Variants in SLC26A5 observed in about 807,000 individuals in gnomAD.
The protein encoded by SLC26A5 is solute carrier family 26 member 5, also known as prestin.
In SLC26A5, 51 loss-of-function variants were observed where a neutral mutation model predicts 81.0. That is an observed-to-expected ratio of 0.63 (90% CI 0.50 to 0.80). SLC26A5 has a LOEUF of 0.80. Among genes scored for constraint, SLC26A5 ranks in the 30% least tolerant of loss-of-function variants. SLC26A5 has a pLI of 0.00. For synonymous variants in SLC26A5, 325 were observed against 332.8 expected, an observed-to-expected ratio of 0.98 and a Z score of 0.25; for missense variants, 771 against 905.8, an observed-to-expected ratio of 0.85 and a Z score of 1.91.
chr7:103,408,977 A>G (rs1824273377), intron 7 of SLC26A5, among the ~76,000 whole-genome samples: 5 of 152,174 alleles, frequency 3.3e-5, no homozygotes, highest in Admixed American at 3.3e-4. Context: ...GAAGTATGAT[A>G]ATAGCTATTA....
At chr7:103,375,070 A>T (rs1821256996) in intron 19 of SLC26A5, among the ~76,000 whole-genome samples, 1 of 147,542 alleles carries the variant, frequency 6.8e-6, no homozygotes, top group Non-Finnish European at 1.5e-5. Flanking sequence ...ACACACATAT[A>T]TAAATATATA....
chr7:103,416,061 C>T (rs184043299), intron 4 of SLC26A5, among the ~76,000 whole-genome samples: 2 of 152,286 alleles, frequency 1.3e-5, no homozygotes, highest in Admixed American at 1.3e-4. Context: ...TTTTTAATTT[C>T]TATGAGCTCT....
At chr7:103,438,682 C>A (rs1467404542) in intron 2 of SLC26A5, among the ~76,000 whole-genome samples, 1 of 152,130 alleles carries the variant, frequency 6.6e-6, no homozygotes, top group African/African-American at 2.4e-5. Flanking sequence ...ACATAGTGAA[C>A]TATACAGATC....
intron 9 of SLC26A5, 137 bp from the exon 10 acceptor site, chr7:103,393,203 G>C: frequency 8.8e-7 from 1 of 1,135,900 alleles, no homozygotes; most frequent in Non-Finnish European, 1.2e-6. Flanking sequence ...TATTTGCTCT[G>C]GTTGGCAAAA....
At chr7:103,418,367 TGAG>T (rs1825084432) in intron 4 of SLC26A5, among the ~76,000 whole-genome samples, 1 of 152,214 alleles carries the variant, frequency 6.6e-6, no homozygotes, top group Non-Finnish European at 1.5e-5. Context: ...GGCAGAATCC[TGAG>T]GAGTTCTTTG....
chr7:103,430,509 G>T (rs1301749207), intron 2 of SLC26A5, among the ~76,000 whole-genome samples: 1 of 152,170 alleles, frequency 6.6e-6, no homozygotes, highest in Admixed American at 6.5e-5. Flanking sequence ...TCAAGTCCTG[G>T]TTCTGCCACC....
chr7:103,420,665 A>G (rs1825276366), intron 4 of SLC26A5, 73 bp downstream of exon 4: 2 of 1,568,608 alleles, frequency 1.3e-6, no homozygotes, highest in Non-Finnish European at 8.7e-7. Context: ...ATTTGCAATC[A>G]TGATGAAATA....
At chr7:103,364,958 C>CATACATATATATATATATATAT (rs374432802) in intron 19 of SLC26A5, among the ~76,000 whole-genome samples, 6 of 125,500 alleles carry the variant, frequency 4.8e-5, no homozygotes, top group African/African-American at 1.8e-4. Context: ...TGTAGACATA[C>CATACATATATATATATATATAT]ATATATATAT....
chr7:103,404,008 C>A (rs939761196), intron 8 of SLC26A5, among the ~76,000 whole-genome samples: 14 of 152,196 alleles, frequency 9.2e-5, no homozygotes, highest in African/African-American at 3.4e-4. Flanking sequence ...CATGGTGAAA[C>A]CCAGTCTCTG....
intron 11 of SLC26A5, 77 bp downstream of exon 11, chr7:103,391,545 G>T: frequency 1.6e-6 from 2 of 1,244,634 alleles, no homozygotes; most frequent in Non-Finnish European, 2.3e-6. Flanking sequence ...CTTTGTTTGG[G>T]TTCAGAATAT....
chr7:103,383,309 C>T (rs114915867), intron 14 of SLC26A5, among the ~76,000 whole-genome samples: 2,299 of 152,248 alleles, frequency 0.015, 59 homozygotes, highest in African/African-American at 0.052. Context: ...GATGGACACA[C>T]GCAAGGTGCT....
chr7:103,391,923 C>T (rs1191013562), intron 10 of SLC26A5, among the ~76,000 whole-genome samples, 188 bp from the exon 11 acceptor site: 2 of 152,192 alleles, frequency 1.3e-5, no homozygotes, highest in African/African-American at 4.8e-5. Context: ...GAGGGGGGAA[C>T]ATTTTGAATT....
intron 19 of SLC26A5, among the ~76,000 whole-genome samples, chr7:103,365,039 G>A (rs1006470558): frequency 4.8e-5 from 7 of 146,134 alleles, no homozygotes; most frequent in South Asian, 2.2e-4. Context: ...TTGATGATTC[G>A]TATATTTACA....
chr7:103,392,564 A>G (rs1822747705), intron 10 of SLC26A5, among the ~76,000 whole-genome samples: 1 of 152,096 alleles, frequency 6.6e-6, no homozygotes, highest in African/African-American at 2.4e-5. Context: ...GCCTTCCATA[A>G]CCGACCTTGG....
At position 103,378,469 on chromosome 7, in the gene SLC26A5, C is replaced by T. The variant is rs1329339700; in HGVS notation, c.1762G>A (p.Ala588Thr). Residue 588 changes from alanine (A) to threonine (T), a missense_variant, in exon 17 of 20, where the codon GCC becomes ACC. By Grantham distance (58) the Ala-to-Thr change is moderately conservative (BLOSUM62 0). Transcript: ENST00000306312. ...ACTGCTTTGACAACAGTTGCGTTGG[C>T]CATATTTGCATTTCCGACTTCCTTA... ...YAKEVGNANM[A>T]NATVVKADAE... 6.2e-7 allele frequency: 1 copy of T among 1,613,966 alleles called. No homozygotes were observed. Among genetic ancestry groups the T allele is most frequent in the African/African-American group, 1.3e-5 (1 of 74,922 alleles).
At chr7:103,394,616 T>G (rs1489101004) in intron 9 of SLC26A5, among the ~76,000 whole-genome samples, 65 of 152,284 alleles carry the variant, frequency 4.3e-4, no homozygotes, top group Admixed American at 9.2e-4. Context: ...CACTGCTCAT[T>G]TACCAAGTAC....
At chr7:103,406,848 T>G (rs1477935515) in intron 8 of SLC26A5, among the ~76,000 whole-genome samples, 1 of 152,182 alleles carries the variant, frequency 6.6e-6, no homozygotes, top group Non-Finnish European at 1.5e-5. Flanking sequence ...AGACGGGGTT[T>G]CACCATGTTA....
Position 103,379,368 on chromosome 7 carries a change from T to G in SLC26A5, c.1585-33A>C, listed in dbSNP as rs568325500. The G allele has an allele frequency of 2.6e-5, 36 of 1,387,104 alleles. 1 individual carries two copies. In the Admixed American group the frequency reaches 4.1e-4, roughly 16 times the overall value. The allele number at this position is 1,387,104 out of a possible 1,614,324, so 85.9% of individuals were successfully genotyped here. ...GTAAAATATTGCTGAATTTAACACA[T>G]GGAAATATTTCAGAATCAAAACTGC... is the stretch of plus-strand genomic sequence containing the variant. On this transcript the variant is annotated intron_variant, in intron 15 of 19. Coordinates refer to ENST00000306312, the MANE Select transcript of SLC26A5 (RefSeq NM_198999.3).
At chr7:103,421,675 G>A in intron 2 of SLC26A5, 108 bp from the exon 3 acceptor site, 1 of 726,924 alleles carries the variant, frequency 1.4e-6, no homozygotes. Context: ...GCTTTCTTTG[G>A]ACGCCCCAGA....
Sources: gnomAD v4.1 joint callset for allele counts (sites outside exome capture counted in the v4.1 genomes callset) on GRCh38, gnomAD v4.1.1 for gene constraint, MANE v1.5 for transcripts, NCBI Gene and HGNC (gene_info 2026-07-23, HGNC 2026-07-21) for gene names.